Variants in RBM47 observed in about 807,000 individuals in gnomAD.
RBM47 encodes the protein RNA binding motif protein 47.
In RBM47, 21 loss-of-function variants were observed where a neutral mutation model predicts 47.1. That is an observed-to-expected ratio of 0.45 (90% CI 0.32 to 0.64). RBM47 has a LOEUF of 0.64. RBM47 is among the 30% of genes least tolerant of loss of function. The probability of loss-of-function intolerance (pLI) is 0.05; values close to 1 mark genes in which losing one functional copy is unlikely to be tolerated. For synonymous variants in RBM47, 375 were observed against 361.7 expected (o/e 1.04, Z -0.42); for missense variants, 708 against 870.9 (o/e 0.81, Z 2.35).
chr4:40,600,926 G>A (rs1285249188), intron 1 of RBM47, among the ~76,000 whole-genome samples: 11 of 137,606 alleles, frequency 8.0e-5, no homozygotes, highest in South Asian at 6.9e-4. Flanking sequence ...CGGAGTTTGC[G>A]GTAAGCCAAG....
Position 40,493,771 on chromosome 4 carries a change from C to CAA in RBM47, c.-154-27074_-154-27073dup, listed in dbSNP as rs369288548. Among the ~76,000 whole-genome samples the CAA allele has an allele frequency of 3.1e-3, 369 of 118,070 alleles. 2 individuals are homozygous for CAA. Among genetic ancestry groups the CAA allele is most frequent in the Non-Finnish European group, 4.4e-3 (257 of 58,148 alleles). The allele number at this position is 118,070 out of a possible 152,430, so 77.5% of individuals were successfully genotyped here. On this transcript the variant is annotated intron_variant, in intron 2 of 6. Transcript: ENST00000295971. ...TGGGTGACAGAGTGAGACCCTGTCT[C>CAA]AAAAAAAAAAAAAAAAAATTAGATG...
chr4:40,603,600 C>A (rs1320142988), intron 1 of RBM47, among the ~76,000 whole-genome samples: 1 of 151,620 alleles, frequency 6.6e-6, no homozygotes, highest in Non-Finnish European at 1.5e-5. Flanking sequence ...TCCTCTCTCT[C>A]CCTCTCTCTC....
intron 3 of RBM47, among the ~76,000 whole-genome samples, chr4:40,462,439 C>T (rs1717296139): frequency 6.6e-6 from 1 of 152,138 alleles, no homozygotes; most frequent in Admixed American, 6.6e-5. Flanking sequence ...CAAATATATG[C>T]ACCTACATAA....
intron 1 of RBM47, among the ~76,000 whole-genome samples, chr4:40,552,520 A>G (rs930747719): frequency 4.0e-5 from 6 of 151,382 alleles, no homozygotes; most frequent in African/African-American, 1.5e-4. Flanking sequence ...CAGGTGGGCT[A>G]AATTAATTTG....
chr4:40,508,027 C>G (rs778716592), intron 2 of RBM47, among the ~76,000 whole-genome samples: 17 of 152,230 alleles, frequency 1.1e-4, no homozygotes, highest in Non-Finnish European at 2.1e-4. Context: ...GATCACCCCA[C>G]TGCACCCCAG....
At chr4:40,604,288 G>T (rs1016053434) in intron 1 of RBM47, among the ~76,000 whole-genome samples, 1 of 152,168 alleles carries the variant, frequency 6.6e-6, no homozygotes, top group Non-Finnish European at 1.5e-5. Flanking sequence ...AGCAAAGGAT[G>T]GATGGAAAGG....
At chr4:40,630,359 TC>T (rs1228371819), upstream of RBM47, 2 of 152,324 alleles carry the variant, frequency 1.3e-5, no homozygotes, top group African/African-American at 4.8e-5. Flanking sequence ...ACCGCCCCGC[TC>T]CCCTTCTTCC....
At chr4:40,605,846 A>G (rs905036582) in intron 1 of RBM47, among the ~76,000 whole-genome samples, 2 of 151,834 alleles carry the variant, frequency 1.3e-5, no homozygotes, top group African/African-American at 4.8e-5. Flanking sequence ...AAAAAGAAAG[A>G]AAAATACGGG....
rs1286411164 is a variant in RBM47 at position 40,438,164 on chromosome 4, T to C, written c.730A>G (p.Thr244Ala). Residue 244 changes from threonine to alanine, a missense_variant, in exon 4 of 7, where the codon ACC becomes GCC. Physicochemically the swap from Thr to Ala is moderately conservative, Grantham distance 58. Coordinates refer to ENST00000295971, the MANE Select transcript of RBM47 (RefSeq NM_001098634.2). ...TTGCGCACGTAGAGGATCTTCACGGTCTCCATCACGTCCTCGTCCACGTCG... is the reference window on the plus strand; with the variant it reads ...TTGCGCACGTAGAGGATCTTCACGGCCTCCATCACGTCCTCGTCCACGTCG... Reference protein sequence around the residue: ...EIDVDEDVMETVKILYVRNLM... With the variant: ...EIDVDEDVMEAVKILYVRNLM... 6.2e-7 allele frequency: 1 copy of C among 1,611,576 alleles called. No individual in the cohort carries two copies. Among genetic ancestry groups the C allele is most frequent in the Middle Eastern group, 1.6e-4 (1 of 6,062 alleles).
At chr4:40,627,813 C>G (rs9685742) in intron 1 of RBM47, among the ~76,000 whole-genome samples, 3,060 of 152,120 alleles carry the variant, frequency 0.02, 100 homozygotes, top group African/African-American at 0.066. Context: ...CTGCTTTGGG[C>G]AGAATTCTTT....
intron 3 of RBM47, among the ~76,000 whole-genome samples, chr4:40,448,658 C>A (rs891788844): frequency 6.6e-6 from 1 of 152,178 alleles, no homozygotes; most frequent in Non-Finnish European, 1.5e-5. Context: ...TCTCCTCAGG[C>A]AAATCACCTT....
chr4:40,551,004 C>A (rs540763364), intron 1 of RBM47, among the ~76,000 whole-genome samples: 1 of 151,970 alleles, frequency 6.6e-6, no homozygotes, highest in Middle Eastern at 3.2e-3. Flanking sequence ...CACTTTTTTA[C>A]CCCTAGGTTC....
intron 6 of RBM47, among the ~76,000 whole-genome samples, chr4:40,431,531 G>A (rs1297996038): frequency 1.1e-4 from 16 of 152,062 alleles, no homozygotes; most frequent in African/African-American, 3.6e-4. Flanking sequence ...GGTGGCGTGC[G>A]CCTGTAGTCC....
At chr4:40,596,444 G>C (rs1734764320) in intron 1 of RBM47, among the ~76,000 whole-genome samples, 1 of 152,140 alleles carries the variant, frequency 6.6e-6, no homozygotes, top group African/African-American at 2.4e-5. Context: ...TGTAGTGTGT[G>C]TGCCTATGCT....
At chr4:40,627,422 C>T (rs1348757664) in intron 1 of RBM47, among the ~76,000 whole-genome samples, 1 of 152,152 alleles carries the variant, frequency 6.6e-6, no homozygotes, top group Non-Finnish European at 1.5e-5. Flanking sequence ...TCCCTCCCTT[C>T]ACGCTTATAT....
intron 1 of RBM47, among the ~76,000 whole-genome samples, chr4:40,565,644 C>T (rs184323678): frequency 6.2e-4 from 95 of 152,302 alleles, no homozygotes; most frequent in African/African-American, 2.2e-3. Context: ...TGGATAACTA[C>T]TACTTATATT....
intron 1 of RBM47, among the ~76,000 whole-genome samples, chr4:40,596,778 T>C (rs1011671947): frequency 6.6e-6 from 1 of 151,972 alleles, no homozygotes; most frequent in Non-Finnish European, 1.5e-5. Context: ...GGATAATCAC[T>C]GCATTCAGGG....
intron 1 of RBM47, among the ~76,000 whole-genome samples, chr4:40,561,411 C>G (rs950046358): frequency 1.3e-5 from 2 of 151,498 alleles, no homozygotes; most frequent in African/African-American, 2.4e-5. Context: ...TTTGTATTTT[C>G]AGTAGAGATG....
chr4:40,519,361 G>A (rs1560440882), intron 2 of RBM47, among the ~76,000 whole-genome samples: 2 of 137,004 alleles, frequency 1.5e-5, no homozygotes, highest in African/African-American at 2.9e-5. Flanking sequence ...GCAATGGAAC[G>A]ATCTTGGCTC....
Sources: gnomAD v4.1 joint callset for allele counts (sites outside exome capture counted in the v4.1 genomes callset) on GRCh38, gnomAD v4.1.1 for gene constraint, MANE v1.5 for transcripts, NCBI Gene and HGNC (gene_info 2026-07-23, HGNC 2026-07-21) for gene names.